The following PRKG1 variants were observed in gnomAD, a reference collection of about 807,000 sequenced individuals.
PRKG1 encodes the protein protein kinase cGMP-dependent 1.
Under a neutral mutation model 88.1 loss-of-function variants are expected in PRKG1, and 35 were observed. The ratio of observed to expected loss-of-function variants is 0.40; its 90% CI spans 0.30 to 0.53. The LOEUF (loss-of-function observed/expected upper bound fraction) is 0.53, where lower values mean the gene tolerates loss of function less well. Among genes scored for constraint, PRKG1 ranks in the 20% least tolerant of loss-of-function variants. The pLI is 0.59. For missense variants in PRKG1, 540 were observed against 839.8 expected, an observed-to-expected ratio of 0.64 and a Z score of 4.41; for synonymous variants, 303 against 292.5, an observed-to-expected ratio of 1.04 and a Z score of -0.37.
chr10:51,040,526 G>A (rs1433734573), intron 1 of PRKG1, among the ~76,000 whole-genome samples: 1 of 151,386 alleles, frequency 6.6e-6, no homozygotes. Context: ...CACTGTGTTG[G>A]CCAGGCTGGT....
chr10:51,932,916 T>A (rs2133008842), intron 5 of PRKG1, among the ~76,000 whole-genome samples: 1 of 152,304 alleles, frequency 6.6e-6, no homozygotes, highest in Non-Finnish European at 1.5e-5. Flanking sequence ...ATTCTTTTTA[T>A]AATCAGTCCC....
At chr10:51,702,984 T>A (rs1841506704) in intron 3 of PRKG1, among the ~76,000 whole-genome samples, 1 of 152,200 alleles carries the variant, frequency 6.6e-6, no homozygotes, top group Admixed American at 6.5e-5. Context: ...CATGAGCCAT[T>A]GCACCTGGCC....
At chr10:51,113,944 CGTGTGTGTGTGTGTGTGTGTGTGT>C (rs35562284) in intron 1 of PRKG1, among the ~76,000 whole-genome samples, 2 of 139,028 alleles carry the variant, frequency 1.4e-5, no homozygotes, top group Non-Finnish European at 3.1e-5. Context: ...AGCCTGTAAA[CGTGTGTGTGTGTGTGTGTGTGTGT>C]GTGTGTGTGT....
At chr10:51,597,195 T>G (rs1039863587) in intron 3 of PRKG1, among the ~76,000 whole-genome samples, 19 of 152,122 alleles carry the variant, frequency 1.2e-4, no homozygotes, top group African/African-American at 4.6e-4. Context: ...AACCTGTAAT[T>G]TCATCGGTAA....
intron 4 of PRKG1, among the ~76,000 whole-genome samples, chr10:51,831,332 T>C (rs1411327847): frequency 6.6e-6 from 1 of 151,786 alleles, no homozygotes; most frequent in African/African-American, 2.4e-5. Flanking sequence ...CAGGAAAGCA[T>C]GAAGGCTAAA....
At chr10:51,096,823 A>G (rs1314373167) in intron 1 of PRKG1, among the ~76,000 whole-genome samples, 1 of 152,194 alleles carries the variant, frequency 6.6e-6, no homozygotes, top group Admixed American at 6.5e-5. Context: ...CAACTGGGAA[A>G]GACTGCTTCC....
intron 5 of PRKG1, among the ~76,000 whole-genome samples, chr10:51,940,358 C>T (rs1004568967): frequency 1.3e-5 from 2 of 151,780 alleles, no homozygotes; most frequent in Admixed American, 1.3e-4. Flanking sequence ...AATATATGAT[C>T]CCAGGAAACG....
chr10:52,181,803 T>C (rs1371620874), intron 9 of PRKG1, among the ~76,000 whole-genome samples: 1 of 41,472 alleles, frequency 2.4e-5, no homozygotes, highest in Non-Finnish European at 4.6e-5. Flanking sequence ...ATGGTGTATA[T>C]GTGCCACATT....
chr10:51,700,137 T>A (rs2132412113), intron 3 of PRKG1, among the ~76,000 whole-genome samples: 1 of 152,336 alleles, frequency 6.6e-6, no homozygotes, highest in Admixed American at 6.5e-5. Context: ...CAGTATTATA[T>A]CTCCTTTTTA....
chr10:51,805,097 C>T (rs1341886959), intron 4 of PRKG1, among the ~76,000 whole-genome samples: 1 of 152,054 alleles, frequency 6.6e-6, no homozygotes, highest in Non-Finnish European at 1.5e-5. Context: ...TAAACAGACT[C>T]ACACTGTAAG....
At chr10:52,220,413 T>TTATA (rs150890362) in intron 9 of PRKG1, among the ~76,000 whole-genome samples, 200 of 151,038 alleles carry the variant, frequency 1.3e-3, no homozygotes, top group African/African-American at 3.4e-3. Flanking sequence ...ATGACATCTT[T>TTATA]TATATATATA....
intron 2 of PRKG1, among the ~76,000 whole-genome samples, chr10:51,312,806 A>G (rs941120260): frequency 2.0e-5 from 3 of 152,112 alleles, no homozygotes; most frequent in Non-Finnish European, 4.4e-5. Context: ...GTAGTGGGGT[A>G]CACAATTTTA....
intron 5 of PRKG1, among the ~76,000 whole-genome samples, chr10:52,030,572 G>C (rs1400409027): frequency 1.3e-5 from 2 of 152,142 alleles, no homozygotes; most frequent in East Asian, 3.9e-4. Context: ...CTAATTAAGT[G>C]ATATTGAAGG....
chr10:52,020,417 A>G (rs1206478674), intron 5 of PRKG1, among the ~76,000 whole-genome samples: 2 of 152,176 alleles, frequency 1.3e-5, no homozygotes, highest in East Asian at 3.9e-4. Context: ...ATAAGAGTCT[A>G]TAGTAACCTC....
intron 5 of PRKG1, among the ~76,000 whole-genome samples, chr10:52,011,870 C>T (rs1844890554): frequency 1.3e-5 from 2 of 152,148 alleles, no homozygotes; most frequent in African/African-American, 4.8e-5. Context: ...GAATGGATCT[C>T]ATGATATCTG....
chr10:52,028,960 C>G (rs1396640741), intron 5 of PRKG1, among the ~76,000 whole-genome samples: 1 of 152,044 alleles, frequency 6.6e-6, no homozygotes, highest in Non-Finnish European at 1.5e-5. Flanking sequence ...CACAAAAGAC[C>G]CTTGCTATTT....
At chr10:51,602,780 GTATATA>G (rs752734995) in intron 3 of PRKG1, among the ~76,000 whole-genome samples, 2 of 126,486 alleles carry the variant, frequency 1.6e-5, no homozygotes, top group African/African-American at 3.9e-5. Context: ...GTGTGTGTGT[GTATATA>G]TTCATATATA....
At chr10:51,214,089 C>T (rs1160081437) in intron 2 of PRKG1, among the ~76,000 whole-genome samples, 3 of 151,990 alleles carry the variant, frequency 2.0e-5, no homozygotes, top group Non-Finnish European at 4.4e-5. Flanking sequence ...CCTAAAGCAC[C>T]TAGAGTTATT....
chr10:52,042,890 A>C (rs993248259), intron 5 of PRKG1, among the ~76,000 whole-genome samples: 2 of 152,132 alleles, frequency 1.3e-5, no homozygotes, highest in South Asian at 2.1e-4. Flanking sequence ...AAAAAAACAA[A>C]TAACTTGATT....
Sources: gnomAD v4.1 joint callset for allele counts (sites outside exome capture counted in the v4.1 genomes callset) on GRCh38, gnomAD v4.1.1 for gene constraint, MANE v1.5 for transcripts, NCBI Gene and HGNC (gene_info 2026-07-23, HGNC 2026-07-21) for gene names.